Variants in EN2 observed in about 807,000 individuals in gnomAD.
The protein encoded by EN2 is engrailed homeobox 2, also known as homeobox protein engrailed-2.
In EN2, 7 loss-of-function variants were observed where a neutral mutation model predicts 25.0. The observed-to-expected ratio is 0.28, with a 90% CI of 0.16 to 0.53. The LOEUF (loss-of-function observed/expected upper bound fraction) is 0.53, where lower values mean the gene tolerates loss of function less well. Among genes scored for constraint, EN2 ranks in the 20% least tolerant of loss-of-function variants. The pLI is 0.96. For missense variants in EN2, 524 were observed against 501.8 expected, an observed-to-expected ratio of 1.04 and a Z score of -0.42; for synonymous variants, 277 against 243.3, an observed-to-expected ratio of 1.14 and a Z score of -1.29.
Position 155,458,143 on chromosome 7 carries a change from G to A in EN2, c.-235G>A, listed in dbSNP as rs1795646436. On this transcript the variant is annotated 5_prime_UTR_variant, in exon 1 of 2. Coordinates refer to ENST00000297375, the MANE Select transcript of EN2 (RefSeq NM_001427.4). ...GCTCTGTTGAATCTCTCATCGTCTG[G>A]GCGAGCGGGGCGGCTCGTGGTGTTT... The A allele has an allele frequency of 2.4e-6, 1 of 414,910 alleles. No individual in the cohort carries two copies. The allele number at this position is 414,910 out of a possible 1,614,324, so 25.7% of individuals were successfully genotyped here. A position where few individuals can be genotyped will look rare whatever the true frequency, so the allele number is the denominator to read the frequency against.
chr7:155,462,317 G>A, intron 1 of EN2, 54 bp from the exon 2 acceptor site: 1 of 1,539,824 alleles, frequency 6.5e-7, no homozygotes, highest in Non-Finnish European at 8.7e-7. Context: ...GGTGCCTATT[G>A]GGTGGCACAC....
Position 155,458,228 on chromosome 7 carries a change from G to C in EN2, c.-150G>C, listed in dbSNP as rs929138939. ...GCCGAGCGCGGCCGGCGACTTGTAG[G>C]ACCTCAGCCCTGGCCGCGGCCGCCG... On this transcript the variant is annotated 5_prime_UTR_variant, in exon 1 of 2. Transcript: ENST00000297375. The C allele has an allele frequency of 1.8e-6, 2 of 1,082,156 alleles. No individual in the cohort carries two copies. The highest frequency in any genetic ancestry group is 2.4e-6 in the Non-Finnish European group (2 of 841,604). 67.0% of individuals were successfully genotyped at this position (1,082,156 alleles called of 1,614,324 possible).
At chr7:155,459,648 G>A (rs1369737719) in intron 1 of EN2, among the ~76,000 whole-genome samples, 2 of 152,258 alleles carry the variant, frequency 1.3e-5, no homozygotes, top group African/African-American at 4.8e-5. Flanking sequence ...TCAGGAGGAT[G>A]CACACAGGGA....
At position 155,462,451 on chromosome 7, in the gene EN2, C is replaced by A; in HGVS notation, c.766C>A (p.Leu256Met). 2 of 1,614,176 alleles carry A rather than the reference C, an allele frequency of 1.2e-6. No individual in the cohort carries two copies. Among genetic ancestry groups the A allele is most frequent in the Non-Finnish European group, 1.7e-6 (2 of 1,180,042 alleles). ...GCGCACGGCCTTTACCGCCGAGCAGCTGCAGAGGCTCAAGGCCGAGTTCCA... is the reference window on the plus strand; with the variant it reads ...GCGCACGGCCTTTACCGCCGAGCAGATGCAGAGGCTCAAGGCCGAGTTCCA... ...RPRTAFTAEQ[L>M]QRLKAEFQTN... The change falls in exon 2 of 2, where the codon CTG becomes ATG. Residue 256 changes from leucine to methionine, a missense_variant. Leu to Met is a conservative substitution (Grantham distance 15, BLOSUM62 2). Coordinates refer to ENST00000297375, the MANE Select transcript of EN2 (RefSeq NM_001427.4).
rs1554442986 is a variant in EN2, at chr7:155,464,017, C to CACACACA, written c.*1332_*1333insACACAAC. ...GTGAACACACACACACACACACACA[C>CACACACA]ACCAGGCGTGTTTGAGTCCACAGTT... On this transcript the variant is annotated 3_prime_UTR_variant, in exon 2 of 2. Coordinates refer to ENST00000297375, the MANE Select transcript of EN2 (RefSeq NM_001427.4). 2.5e-4 allele frequency: 38 copies of CACACACA among 150,404 alleles called. No individual in the cohort carries two copies. The East Asian group carries it at 2.7e-3, about 11-fold the overall frequency. The allele number at this position is 150,404 out of a possible 1,614,324, so 9.3% of individuals were successfully genotyped here. A position where few individuals can be genotyped will look rare whatever the true frequency, so the allele number is the denominator to read the frequency against.
Position 155,458,196 on chromosome 7 carries a change from G to C in EN2, c.-182G>C, listed in dbSNP as rs941931382. On this transcript the variant is annotated 5_prime_UTR_variant, in exon 1 of 2. Coordinates refer to ENST00000297375, the MANE Select transcript of EN2 (RefSeq NM_001427.4). ...AACCCAGTTCGTGGATTCAAAGGTG[G>C]CTCCGCGCCGAGCGCGGCCGGCGAC... 22 of 734,190 alleles carry C rather than the reference G, an allele frequency of 3.0e-5. No homozygotes were observed. Among genetic ancestry groups the C allele is most frequent in the Middle Eastern group, 4.5e-4 (1 of 2,208 alleles). The allele number at this position is 734,190 out of a possible 1,614,324, so 45.5% of individuals were successfully genotyped here. A position where few individuals can be genotyped will look rare whatever the true frequency, so the allele number is the denominator to read the frequency against.
chr7:155,459,698 T>A (rs1281981247), intron 1 of EN2, among the ~76,000 whole-genome samples: 4 of 152,240 alleles, frequency 2.6e-5, no homozygotes, highest in African/African-American at 9.6e-5. Flanking sequence ...TGGCTCCACT[T>A]TGTTTGCCAG....
At chr7:155,459,319 C>T (rs570207644) in intron 1 of EN2, among the ~76,000 whole-genome samples, 1 of 152,314 alleles carries the variant, frequency 6.6e-6, no homozygotes, top group South Asian at 2.1e-4. Flanking sequence ...CTCTGTCTCT[C>T]TCTCTCCTTC....
chr7:155,458,286 G>C lies in EN2; in HGVS notation c.-92G>C. The C allele has an allele frequency of 2.4e-6, 3 of 1,243,178 alleles. No individual in the cohort carries two copies. The highest frequency in any genetic ancestry group is 3.0e-6 in the Non-Finnish European group (3 of 986,094). 77.0% of individuals were successfully genotyped at this position (1,243,178 alleles called of 1,614,324 possible). On this transcript the variant is annotated 5_prime_UTR_variant, in exon 1 of 2. Coordinates refer to ENST00000297375, the MANE Select transcript of EN2 (RefSeq NM_001427.4). ...CCTCGGAAGACTCGGCGGGGTGGGG[G>C]CGCGGGGGTCTCCGTGTGCGCCGCG...
intron 1 of EN2, among the ~76,000 whole-genome samples, chr7:155,461,010 G>C (rs1289301227): frequency 6.6e-6 from 1 of 152,166 alleles, no homozygotes; most frequent in Non-Finnish European, 1.5e-5. Context: ...GGAGTGCTTG[G>C]CATTCACCCT....
In EN2 at chr7:155,463,782, C is replaced by G. The variant is rs1585270008; in HGVS notation, c.*1095C>G. On this transcript the variant is annotated 3_prime_UTR_variant, in exon 2 of 2. Coordinates refer to ENST00000297375, the MANE Select transcript of EN2 (RefSeq NM_001427.4). ...GCCATCATGGGTGCCAGCCAGGGTC[C>G]CAGAAATGAGGCCATGGCTCACTGT... The G allele has an allele frequency of 6.6e-6, 1 of 152,240 alleles. No individual in the cohort carries two copies. The highest frequency in any genetic ancestry group is 1.5e-5 in the Non-Finnish European group (1 of 68,056). The allele number at this position is 152,240 out of a possible 1,614,324, so 9.4% of individuals were successfully genotyped here.
At chr7:155,459,209 A>C in intron 1 of EN2, 147 bp downstream of exon 1, 1 of 965,680 alleles carries the variant, frequency 1.0e-6, no homozygotes, top group Non-Finnish European at 1.4e-6. Flanking sequence ...CATTGTGTGA[A>C]GCTGACGCCG....
At chr7:155,461,334 AG>A in intron 1 of EN2, among the ~76,000 whole-genome samples, 1 of 152,326 alleles carries the variant, frequency 6.6e-6, no homozygotes, top group East Asian at 1.9e-4. Context: ...AGGGAACGCC[AG>A]GGGGTTGAGC....
In EN2 at chr7:155,464,366, G is replaced by A. The variant is rs920532792; in HGVS notation, c.*1679G>A. 2 of 152,320 alleles carry A rather than the reference G, an allele frequency of 1.3e-5. No individual in the cohort carries two copies. The highest frequency in any genetic ancestry group is 2.9e-5 in the Non-Finnish European group (2 of 68,030). The allele number at this position is 152,320 out of a possible 1,614,324, so 9.4% of individuals were successfully genotyped here. On this transcript the variant is annotated 3_prime_UTR_variant, in exon 2 of 2. Transcript: ENST00000297375. Reference sequence around the variant, plus strand: ...CAGCCCAGGGGGTGTGCCCACGGCTGACCCAGGGGTGTGCACACGGCTGAG... The same window carrying A: ...CAGCCCAGGGGGTGTGCCCACGGCTAACCCAGGGGTGTGCACACGGCTGAG...
Position 155,464,471 on chromosome 7 carries a change from A to G in EN2, c.*1784A>G, listed in dbSNP as rs1795736723. 1 of 152,662 alleles carries G rather than the reference A, an allele frequency of 6.6e-6. No individual in the cohort carries two copies. The highest frequency in any genetic ancestry group is 2.4e-5 in the African/African-American group (1 of 41,460). 9.5% of individuals were successfully genotyped at this position (152,662 alleles called of 1,614,324 possible). ...TAAACCTCTTTATTTCATTGCAGTA[A>G]TAGTTTTACGTTGTACATAATAGTG... On this transcript the variant is annotated 3_prime_UTR_variant, in exon 2 of 2. Transcript: ENST00000297375.
In EN2 at chr7:155,462,203, G is replaced by A. The variant is rs531494872; in HGVS notation, c.686-168G>A. ...CCCTCACCAAGTGGTGGAGGTCCGC[G>A]TTGAGCCCATGCCCAGTCCGAAGTC... is the stretch of plus-strand genomic sequence containing the variant. On this transcript the variant is annotated intron_variant, in intron 1 of 1. Coordinates refer to ENST00000297375, the MANE Select transcript of EN2 (RefSeq NM_001427.4). Among the ~76,000 whole-genome samples the A allele has an allele frequency of 2.0e-5, 3 of 152,282 alleles. No homozygotes were observed. In the East Asian group the frequency reaches 5.8e-4, roughly 29 times the overall value.
At chr7:155,460,077 G>A (rs1585268137) in intron 1 of EN2, among the ~76,000 whole-genome samples, 1 of 152,358 alleles carries the variant, frequency 6.6e-6, no homozygotes, top group East Asian at 1.9e-4. Context: ...CCAGATCACA[G>A]CAGGAGTGAG....
At chr7:155,459,647 T>A (rs1308123359) in intron 1 of EN2, among the ~76,000 whole-genome samples, 2 of 152,246 alleles carry the variant, frequency 1.3e-5, no homozygotes, top group Non-Finnish European at 1.5e-5. Flanking sequence ...CTCAGGAGGA[T>A]GCACACAGGG....
intron 1 of EN2, 83 bp from the exon 2 acceptor site, chr7:155,462,288 G>C: frequency 6.7e-7 from 1 of 1,488,946 alleles, no homozygotes. Flanking sequence ...TCCCTCTTGG[G>C]GCCCCAGAAT....
Sources: allele counts gnomAD v4.1 joint callset (sites outside exome capture counted in the v4.1 genomes callset), GRCh38; gene constraint gnomAD v4.1.1; transcripts MANE v1.5; gene names NCBI Gene and HGNC (gene_info 2026-07-23, HGNC 2026-07-21).